Variants in GRM7 observed in about 807,000 individuals in gnomAD.
The protein encoded by GRM7 is metabotropic glutamate receptor 7.
Under a neutral mutation model 84.5 loss-of-function variants are expected in GRM7, and 35 were observed. That is an observed-to-expected ratio of 0.41 (90% confidence interval 0.32 to 0.55). The LOEUF (loss-of-function observed/expected upper bound fraction) is 0.55, where lower values mean the gene tolerates loss of function less well. Ranked by LOEUF, GRM7 falls within the 20% of genes least tolerant of loss-of-function variation. GRM7 has a pLI of 0.19. For synonymous variants in GRM7, 487 were observed against 455.1 expected, an observed-to-expected ratio of 1.07 and a Z score of -0.89; for missense variants, 1,003 against 1,194.6, an observed-to-expected ratio of 0.84 and a Z score of 2.36.
At chr3:7,169,866 T>C (rs181507321) in intron 2 of GRM7, among the ~76,000 whole-genome samples, 2 of 152,060 alleles carry the variant, frequency 1.3e-5, no homozygotes, top group East Asian at 3.9e-4. Flanking sequence ...AGCTCAGGAG[T>C]CTTGTAGGGA....
At chr3:7,503,116 A>T (rs747599315) in intron 7 of GRM7, among the ~76,000 whole-genome samples, 4 of 152,188 alleles carry the variant, frequency 2.6e-5, no homozygotes, top group Non-Finnish European at 4.4e-5. Context: ...GGCAGAGGAA[A>T]ACCATATAGG....
At chr3:7,423,472 G>A (rs370747426) in intron 5 of GRM7, among the ~76,000 whole-genome samples, 58 of 152,220 alleles carry the variant, frequency 3.8e-4, no homozygotes, top group African/African-American at 1.3e-3. Context: ...AACAATTCTC[G>A]TAAACAAAGT....
intron 1 of GRM7, among the ~76,000 whole-genome samples, chr3:7,004,679 T>C (rs1033025191): frequency 6.6e-6 from 1 of 152,250 alleles, no homozygotes; most frequent in African/African-American, 2.4e-5. Context: ...TACCAAATTA[T>C]GTTCAAAGAT....
intron 7 of GRM7, among the ~76,000 whole-genome samples, chr3:7,520,583 A>C (rs1275752400): frequency 6.6e-6 from 1 of 151,956 alleles, no homozygotes; most frequent in Non-Finnish European, 1.5e-5. Context: ...CTCAGAACTG[A>C]CTCTAACACA....
chr3:7,351,607 G>T (rs1226202936), intron 4 of GRM7, among the ~76,000 whole-genome samples: 3 of 152,070 alleles, frequency 2.0e-5, no homozygotes, highest in Non-Finnish European at 4.4e-5. Flanking sequence ...AGTATGAGTG[G>T]ATACCATCCT....
At chr3:7,330,957 G>A (rs1701185227) in intron 4 of GRM7, among the ~76,000 whole-genome samples, 1 of 152,080 alleles carries the variant, frequency 6.6e-6, no homozygotes, top group Admixed American at 6.6e-5. Flanking sequence ...CCTTCAGAGA[G>A]GCATCTCATG....
chr3:7,079,071 G>A (rs941047812), intron 1 of GRM7, among the ~76,000 whole-genome samples: 9 of 152,048 alleles, frequency 5.9e-5, no homozygotes, highest in African/African-American at 1.2e-4. Flanking sequence ...GTTATATAAC[G>A]TGTAATATTA....
At chr3:7,012,137 C>G (rs1409951695) in intron 1 of GRM7, among the ~76,000 whole-genome samples, 1 of 152,018 alleles carries the variant, frequency 6.6e-6, no homozygotes, top group Non-Finnish European at 1.5e-5. Flanking sequence ...GTCTGTTTCC[C>G]TAGAGATCAA....
chr3:6,984,532 T>C (rs79516199), intron 1 of GRM7, among the ~76,000 whole-genome samples: 9,128 of 152,182 alleles, frequency 0.06, 919 homozygotes, highest in African/African-American at 0.21. Flanking sequence ...CAGCAAAAGG[T>C]GATATACATT....
intron 2 of GRM7, among the ~76,000 whole-genome samples, chr3:7,243,449 C>T (rs1697636338): frequency 6.6e-6 from 1 of 152,084 alleles, no homozygotes; most frequent in African/African-American, 2.4e-5. Context: ...ATGGTTTCAG[C>T]ACTTCCAGAC....
At chr3:7,112,219 A>G (rs1234124948) in intron 1 of GRM7, among the ~76,000 whole-genome samples, 1 of 132,510 alleles carries the variant, frequency 7.5e-6, no homozygotes, top group Non-Finnish European at 1.5e-5. Context: ...TTGAGTTTTC[A>G]TATTTTATGA....
At chr3:7,134,563 A>G (rs1188661881) in intron 1 of GRM7, among the ~76,000 whole-genome samples, 1 of 152,130 alleles carries the variant, frequency 6.6e-6, no homozygotes, top group East Asian at 1.9e-4. Context: ...TTCCTTGTTC[A>G]TATTGGTCTG....
intron 7 of GRM7, among the ~76,000 whole-genome samples, chr3:7,476,989 G>A (rs189262686): frequency 6.6e-6 from 1 of 152,238 alleles, no homozygotes; most frequent in East Asian, 1.9e-4. Flanking sequence ...ATCTTGCTAG[G>A]TCAACATTAT....
intron 1 of GRM7, among the ~76,000 whole-genome samples, chr3:6,963,690 G>A (rs941642747): frequency 6.6e-6 from 1 of 152,084 alleles, no homozygotes; most frequent in Non-Finnish European, 1.5e-5. Context: ...TAAAATCATG[G>A]TACAGTTTAC....
At chr3:6,870,121 T>A (rs1695073599) in intron 1 of GRM7, among the ~76,000 whole-genome samples, 2 of 152,072 alleles carry the variant, frequency 1.3e-5, no homozygotes, top group South Asian at 2.1e-4. Context: ...AACAGATGGA[T>A]GTTATAAATA....
chr3:7,705,355 T>A (rs1440540824), intron 9 of GRM7, among the ~76,000 whole-genome samples: 1 of 152,126 alleles, frequency 6.6e-6, no homozygotes, highest in Non-Finnish European at 1.5e-5. Context: ...ACAATCATTA[T>A]CTAAACAAAG....
chr3:7,290,064 T>C (rs1265467798), intron 2 of GRM7, among the ~76,000 whole-genome samples: 5 of 152,154 alleles, frequency 3.3e-5, no homozygotes, highest in Admixed American at 1.3e-4. Context: ...TAGTATTTTA[T>C]GTTAATTTCT....
intron 1 of GRM7, among the ~76,000 whole-genome samples, chr3:7,023,074 C>G (rs1365198576): frequency 6.6e-6 from 1 of 151,844 alleles, no homozygotes; most frequent in Non-Finnish European, 1.5e-5. Context: ...CATGAGAAGG[C>G]GAATGGTGGA....
chr3:7,680,320 T>C (rs1371418744), intron 9 of GRM7, 25 bp downstream of exon 9: 4 of 1,611,886 alleles, frequency 2.5e-6, no homozygotes, highest in Non-Finnish European at 3.4e-6. Flanking sequence ...GTTTCTTTCA[T>C]CTTCCCACCC....
Sources: allele counts gnomAD v4.1 joint callset (sites outside exome capture counted in the v4.1 genomes callset), GRCh38; gene constraint gnomAD v4.1.1; transcripts MANE v1.5; gene names NCBI Gene and HGNC (gene_info 2026-07-23, HGNC 2026-07-21).